The following CYRIA variants were observed in gnomAD, a reference collection of about 807,000 sequenced individuals.
CYRIA encodes the protein CYFIP-related Rac1 interactor A.
A neutral mutation model predicts 43.9 loss-of-function variants in CYRIA; 15 were observed. The observed-to-expected ratio is 0.34, with a 90% confidence interval of 0.23 to 0.53. The LOEUF is 0.53. CYRIA is among the 20% of genes least tolerant of loss of function. The pLI, the probability that CYRIA is intolerant of heterozygous loss-of-function variation, is 0.94. For synonymous variants in CYRIA, 117 were observed against 136.0 expected, an observed-to-expected ratio of 0.86 and a Z score of 0.97; for missense variants, 236 against 394.2, an observed-to-expected ratio of 0.60 and a Z score of 3.40.
chr2:16,578,876 T>C (rs1667447957), intron 3 of CYRIA, among the ~76,000 whole-genome samples: 1 of 152,090 alleles, frequency 6.6e-6, no homozygotes, highest in African/African-American at 2.4e-5. Flanking sequence ...GCAAGAATGT[T>C]CAAAATTAAT....
At chr2:16,613,152 A>T (rs1315410116) in intron 2 of CYRIA, among the ~76,000 whole-genome samples, 1 of 152,104 alleles carries the variant, frequency 6.6e-6, no homozygotes, top group African/African-American at 2.4e-5. Flanking sequence ...GAACTAGTAC[A>T]CTCCTTTAAG....
chr2:16,630,786 A>G lies in CYRIA; in HGVS notation c.-166-6767T>C, dbSNP rs141248438. ...AAGCAACAGCACAATTGGATGTCAGACAAAGGGTCATTTTTACCTCCCCTC... is the reference window on the plus strand; with the variant it reads ...AAGCAACAGCACAATTGGATGTCAGGCAAAGGGTCATTTTTACCTCCCCTC... On this transcript the variant is annotated intron_variant, in intron 1 of 11. Transcript: ENST00000381323. 9.1e-4 allele frequency among the ~76,000 whole-genome samples: 138 copies of G among 152,326 alleles called. 2 individuals are homozygous for G. In the East Asian group the frequency reaches 0.024, roughly 26 times the overall value.
At chr2:16,574,791 G>A (rs1667271112) in intron 3 of CYRIA, among the ~76,000 whole-genome samples, 1 of 152,210 alleles carries the variant, frequency 6.6e-6, no homozygotes, top group Non-Finnish European at 1.5e-5. Flanking sequence ...GGATGTCCAG[G>A]CAGAAATCTG....
intron 3 of CYRIA, among the ~76,000 whole-genome samples, chr2:16,568,239 A>G (rs1667015796): frequency 1.3e-5 from 2 of 151,528 alleles, no homozygotes; most frequent in Admixed American, 1.3e-4. Context: ...AAAAAAAAAA[A>G]AAAAAAAAAA....
chr2:16,580,037 T>C (rs572973608), intron 3 of CYRIA, among the ~76,000 whole-genome samples: 190 of 151,940 alleles, frequency 1.3e-3, no homozygotes, highest in Middle Eastern at 3.4e-3. Context: ...AGCCTCCACC[T>C]CCTGGCCTCG....
chr2:16,554,986 T>G (rs1666455143), intron 11 of CYRIA, 83 bp downstream of exon 11: 13 of 1,010,562 alleles, frequency 1.3e-5, no homozygotes, highest in Non-Finnish European at 1.9e-5. Flanking sequence ...TTAAGTTTGG[T>G]GCTATCCACA....
At chr2:16,593,877 G>C in intron 2 of CYRIA, among the ~76,000 whole-genome samples, 2 of 136,428 alleles carry the variant, frequency 1.5e-5, no homozygotes, top group Admixed American at 7.5e-5. Context: ...CCCTCCCCCC[G>C]ACCCCCGACC....
chr2:16,661,469 C>T (rs1298839925), intron 1 of CYRIA, among the ~76,000 whole-genome samples: 1 of 152,168 alleles, frequency 6.6e-6, no homozygotes, highest in Non-Finnish European at 1.5e-5. Flanking sequence ...AATCAGCAAT[C>T]CATTCTTGTG....
rs1299128803 is a variant in CYRIA at position 16,641,032 on chromosome 2, C to T, written c.-166-17013G>A. On this transcript the variant is annotated intron_variant, in intron 1 of 11. Transcript: ENST00000381323. The stretch of plus-strand genomic sequence containing the variant: ...GCCTATCCCTCTGGAGTGCTGAGCC[C>T]GTGAACTCTGATCCTACAGTGCCTC... Among the ~76,000 whole-genome samples the T allele has an allele frequency of 5.3e-5, 8 of 152,154 alleles. No individual in the cohort carries two copies. In the South Asian group the frequency reaches 1.0e-3, roughly 20 times the overall value.
At chr2:16,629,303 A>G (rs1162089981) in intron 1 of CYRIA, among the ~76,000 whole-genome samples, 5 of 152,176 alleles carry the variant, frequency 3.3e-5, no homozygotes, top group Non-Finnish European at 5.9e-5. Flanking sequence ...TTTTCCCCTG[A>G]CTGGGCCTAG....
intron 10 of CYRIA, among the ~76,000 whole-genome samples, chr2:16,557,136 C>T (rs1213449192): frequency 6.6e-6 from 1 of 152,162 alleles, no homozygotes; most frequent in African/African-American, 2.4e-5. Context: ...CCCAAACCCT[C>T]CTTTCCTGGC....
chr2:16,574,632 G>C (rs984611557), intron 3 of CYRIA, among the ~76,000 whole-genome samples: 1 of 152,180 alleles, frequency 6.6e-6, no homozygotes, highest in Non-Finnish European at 1.5e-5. Flanking sequence ...GTGACTAAAA[G>C]GTACCAAGGT....
intron 1 of CYRIA, among the ~76,000 whole-genome samples, chr2:16,627,104 A>G (rs6729677): frequency 0.6 from 91,071 of 152,020 alleles, 28,938 homozygotes; most frequent in African/African-American, 0.82. Flanking sequence ...GTCCTGTCCC[A>G]CCCCACCCCA....
At chr2:16,621,383 C>T (rs191967795) in intron 2 of CYRIA, among the ~76,000 whole-genome samples, 18 of 152,248 alleles carry the variant, frequency 1.2e-4, no homozygotes, top group African/African-American at 4.3e-4. Flanking sequence ...TTGATAGCAC[C>T]AGGCCATGGA....
chr2:16,661,697 C>T (rs986856824), intron 1 of CYRIA, among the ~76,000 whole-genome samples: 1 of 152,162 alleles, frequency 6.6e-6, no homozygotes, highest in Non-Finnish European at 1.5e-5. Context: ...AATCTGCCTG[C>T]ATTCTCCAAA....
chr2:16,629,937 T>C (rs1669279857), intron 1 of CYRIA, among the ~76,000 whole-genome samples: 1 of 152,058 alleles, frequency 6.6e-6, no homozygotes, highest in Admixed American at 6.6e-5. Context: ...AGCCTTCCCA[T>C]GGTGGGAAGC....
intron 1 of CYRIA, among the ~76,000 whole-genome samples, chr2:16,635,688 CA>C (rs1669475551): frequency 6.6e-6 from 1 of 152,130 alleles, no homozygotes; most frequent in African/African-American, 2.4e-5. Flanking sequence ...CCTGGAGACT[CA>C]GATTAGACAA....
intron 1 of CYRIA, among the ~76,000 whole-genome samples, chr2:16,647,782 C>T (rs1308827256): frequency 2.0e-5 from 3 of 152,174 alleles, no homozygotes; most frequent in African/African-American, 4.8e-5. Flanking sequence ...CCCACAACCC[C>T]GCAGTTCAAA....
chr2:16,564,741 T>C (rs1666868469), intron 4 of CYRIA, among the ~76,000 whole-genome samples: 2 of 152,190 alleles, frequency 1.3e-5, no homozygotes, highest in Non-Finnish European at 2.9e-5. Context: ...AAACTAATGC[T>C]TTCACATAAA....
Sources: allele counts gnomAD v4.1 joint callset (sites outside exome capture counted in the v4.1 genomes callset), GRCh38; gene constraint gnomAD v4.1.1; transcripts MANE v1.5; gene names NCBI Gene and HGNC (gene_info 2026-07-23, HGNC 2026-07-21).